The following PTPRD variants were observed in gnomAD, a reference collection of about 807,000 sequenced individuals.
The protein encoded by PTPRD is protein tyrosine phosphatase receptor type D, also known as receptor-type tyrosine-protein phosphatase delta.
Under a neutral mutation model 214.5 loss-of-function variants are expected in PTPRD, and 34 were observed. That is an observed-to-expected ratio of 0.16 (90% CI 0.12 to 0.21). The LOEUF is 0.21. PTPRD is among the 10% of genes least tolerant of loss of function. The pLI is 1.00. For missense variants in PTPRD, 2,545 were observed against 2,398.7 expected, an observed-to-expected ratio of 1.06 and a Z score of -1.27; for synonymous variants, 1,128 against 845.7, an observed-to-expected ratio of 1.33 and a Z score of -5.79.
chr9:8,525,269 C>CA, intron 17 of PTPRD: 1 of 637,180 alleles, frequency 1.6e-6, no homozygotes, highest in Non-Finnish European at 2.8e-6. Flanking sequence ...TATCTCTTTT[C>CA]CCAAGCAAGA....
chr9:9,362,638 G>T (rs1401361283), intron 9 of PTPRD, among the ~76,000 whole-genome samples: 1 of 151,140 alleles, frequency 6.6e-6, no homozygotes, highest in Non-Finnish European at 1.5e-5. Flanking sequence ...TTACCCCTAA[G>T]AACAATTTTT....
intron 14 of PTPRD, among the ~76,000 whole-genome samples, chr9:8,562,573 A>G (rs1223475908): frequency 6.6e-6 from 1 of 151,974 alleles, no homozygotes; most frequent in Non-Finnish European, 1.5e-5. Context: ...AGTAGGTGGG[A>G]CTACAGACAT....
chr9:8,751,410 A>AAAAAAAG (rs780641099), intron 11 of PTPRD, among the ~76,000 whole-genome samples: 7,543 of 105,878 alleles, frequency 0.071, 461 homozygotes, highest in African/African-American at 0.18. Context: ...CTTAAAAAAA[A>AAAAAAAG]AAAAGAAAAG....
intron 7 of PTPRD, among the ~76,000 whole-genome samples, chr9:9,640,834 T>C (rs567268713): frequency 5.0e-4 from 76 of 152,344 alleles, no homozygotes; most frequent in African/African-American, 1.8e-3. Context: ...AATCCTGTTA[T>C]TGCTAAGAGG....
intron 8 of PTPRD, among the ~76,000 whole-genome samples, chr9:9,496,077 AG>A (rs2096172873): frequency 6.6e-6 from 1 of 152,132 alleles, no homozygotes; most frequent in Non-Finnish European, 1.5e-5. Flanking sequence ...CCAAGTAAAC[AG>A]GGTGCCCTTG....
At chr9:8,697,794 C>T (rs1346530717) in intron 12 of PTPRD, among the ~76,000 whole-genome samples, 1 of 151,844 alleles carries the variant, frequency 6.6e-6, no homozygotes, top group Non-Finnish European at 1.5e-5. Context: ...TGGGGAGGAG[C>T]ACACACAATT....
chr9:8,963,730 C>G (rs1320140146), intron 11 of PTPRD, among the ~76,000 whole-genome samples: 1 of 152,026 alleles, frequency 6.6e-6, no homozygotes, highest in Admixed American at 6.6e-5. Context: ...AGTCATCCTC[C>G]CACCTCAGCC....
chr9:9,090,887 G>A lies in PTPRD; in HGVS notation c.-142-72152C>T, dbSNP rs193209771. The A allele has an allele frequency of 8.2e-4, 910 of 1,109,344 alleles. 1 individual carries two copies. Among genetic ancestry groups the A allele is most frequent in the Non-Finnish European group, 1.1e-3 (837 of 732,434 alleles). The allele number at this position is 1,109,344 out of a possible 1,614,324, so 68.7% of individuals were successfully genotyped here. A position where few individuals can be genotyped will look rare whatever the true frequency, so the allele number is the denominator to read the frequency against. ...TTCTTTAAATAGCTGTCTCCGGTCCGTGCCTCCAAGATGACAAAGAAAAGA... is the reference window on the plus strand; with the variant it reads ...TTCTTTAAATAGCTGTCTCCGGTCCATGCCTCCAAGATGACAAAGAAAAGA... On this transcript the variant is annotated intron_variant, in intron 10 of 45. Coordinates refer to ENST00000381196, the MANE Select transcript of PTPRD (RefSeq NM_002839.4).
rs964623637 is a variant in PTPRD, at chr9:8,927,315, T to G, written c.-104+91382A>C. The stretch of plus-strand genomic sequence containing the variant: ...GCATACATGTGTCATGGTGGTGTGC[T>G]GCACCCATCAACCCATCATCTACAT... On this transcript the variant is annotated intron_variant, in intron 11 of 45. Transcript: ENST00000381196. 5.7e-4 allele frequency among the ~76,000 whole-genome samples: 87 copies of G among 152,292 alleles called. 2 individuals carry two copies. The highest frequency in any genetic ancestry group is 2.0e-3 in the African/African-American group (83 of 41,562).
chr9:9,426,127 G>C (rs1467931176), intron 8 of PTPRD, among the ~76,000 whole-genome samples: 1 of 152,168 alleles, frequency 6.6e-6, no homozygotes, highest in Non-Finnish European at 1.5e-5. Flanking sequence ...CACCCGGGAA[G>C]CACAAGGGGT....
chr9:9,275,065 A>T (rs1479300744), intron 9 of PTPRD, among the ~76,000 whole-genome samples: 1 of 72,584 alleles, frequency 1.4e-5, no homozygotes, highest in East Asian at 3.2e-4. Context: ...GTATATATAT[A>T]TTATATATAT....
At chr9:9,299,225 A>G (rs750667754) in intron 9 of PTPRD, among the ~76,000 whole-genome samples, 1 of 151,790 alleles carries the variant, frequency 6.6e-6, no homozygotes, top group Non-Finnish European at 1.5e-5. Context: ...TTATTTCAAT[A>G]TTAGTTAATT....
At position 9,650,114 on chromosome 9, in the gene PTPRD, G is replaced by T. The variant is rs544970783; in HGVS notation, c.-286-75333C>A. Among the ~76,000 whole-genome samples, 25 of 152,180 alleles carry T rather than the reference G, an allele frequency of 1.6e-4. No homozygotes were observed. The East Asian group carries it at 3.7e-3, about 22-fold the overall frequency. The stretch of plus-strand genomic sequence containing the variant: ...TGGATCATGGGGCAGTTTCCCCCAT[G>T]CTGTTCTCACAACAATGAGATCTGA... On this transcript the variant is annotated intron_variant, in intron 7 of 45. Coordinates refer to ENST00000381196, the MANE Select transcript of PTPRD (RefSeq NM_002839.4).
chr9:8,502,453 T>C (rs2097430985), intron 23 of PTPRD, among the ~76,000 whole-genome samples: 1 of 152,074 alleles, frequency 6.6e-6, no homozygotes, highest in Admixed American at 6.5e-5. Context: ...GTACGTGCCT[T>C]GTGTTCATTA....
intron 5 of PTPRD, among the ~76,000 whole-genome samples, chr9:9,897,999 T>C (rs2075452733): frequency 6.6e-6 from 1 of 151,956 alleles, no homozygotes; most frequent in South Asian, 2.1e-4. Context: ...TCTTTACTTA[T>C]AAAAACAGGT....
chr9:10,035,585 T>C (rs1433910474), intron 3 of PTPRD, among the ~76,000 whole-genome samples: 1 of 152,106 alleles, frequency 6.6e-6, no homozygotes, highest in Admixed American at 6.6e-5. Context: ...TTTAAGTCTT[T>C]AATTTCTGGC....
At chr9:8,934,436 A>T (rs13295325) in intron 11 of PTPRD, among the ~76,000 whole-genome samples, 5,910 of 29,480 alleles carry the variant, frequency 0.2, 570 homozygotes, top group Non-Finnish European at 0.28. Flanking sequence ...TATATATATA[A>T]ATATATATAT....
chr9:10,438,675 C>T (rs1377257972), intron 2 of PTPRD, among the ~76,000 whole-genome samples: 1 of 151,638 alleles, frequency 6.6e-6, no homozygotes, highest in Non-Finnish European at 1.5e-5. Flanking sequence ...TCTTTCAAGA[C>T]CTCTGTATTT....
chr9:9,504,557 GA>G (rs1555495666), intron 8 of PTPRD, among the ~76,000 whole-genome samples: 1 of 151,522 alleles, frequency 6.6e-6, no homozygotes, highest in Non-Finnish European at 1.5e-5. Context: ...CCATCAAAAG[GA>G]AAAAACTGAA....
Sources: gnomAD v4.1 joint callset for allele counts (sites outside exome capture counted in the v4.1 genomes callset) on GRCh38, gnomAD v4.1.1 for gene constraint, MANE v1.5 for transcripts, NCBI Gene and HGNC (gene_info 2026-07-23, HGNC 2026-07-21) for gene names.